Variants in AGBL1 observed in about 807,000 individuals in gnomAD.
AGBL1 encodes AGBL carboxypeptidase 1, also known as cytosolic carboxypeptidase 4.
AGBL1 carries 130 observed loss-of-function variants against 118.9 expected under a neutral mutation model. The observed-to-expected ratio is 1.09, with a 90% confidence interval of 0.95 to 1.26. The LOEUF is 1.26. AGBL1 is among the 50% of genes most tolerant of loss of function. AGBL1 has a pLI of 0.00. For synonymous variants in AGBL1, 555 were observed against 478.9 expected (o/e 1.16, Z -2.08); for missense variants, 1,584 against 1,298.1 (o/e 1.22, Z -3.38).
chr15:86,631,919 T>C (rs970708078), intron 21 of AGBL1, among the ~76,000 whole-genome samples: 1 of 152,212 alleles, frequency 6.6e-6, no homozygotes, highest in Non-Finnish European at 1.5e-5. Context: ...CCAGGTGCTG[T>C]GGCTCACACC....
Position 86,481,325 on chromosome 15 carries a change from A to T in AGBL1, c.2556-41485A>T, listed in dbSNP as rs184950044. On this transcript the variant is annotated intron_variant, in intron 18 of 22. Coordinates refer to ENST00000614907, the MANE Select transcript of AGBL1 (RefSeq NM_001386094.1). Reference sequence around the variant, plus strand: ...AAGGAAGTCAAAGTCTATTAAGTTCATGTCCCTTGTTCTGGATCACACAAA... The same window carrying T: ...AAGGAAGTCAAAGTCTATTAAGTTCTTGTCCCTTGTTCTGGATCACACAAA... Among the ~76,000 whole-genome samples the T allele has an allele frequency of 3.9e-5, 6 of 152,176 alleles. No individual in the cohort carries two copies. In the East Asian group the frequency reaches 1.2e-3, roughly 29 times the overall value.
chr15:86,300,916 C>T (rs552814924), intron 17 of AGBL1, among the ~76,000 whole-genome samples: 331 of 152,304 alleles, frequency 2.2e-3, no homozygotes, highest in Middle Eastern at 0.014. Flanking sequence ...TGAGCTACTG[C>T]GGCACCTGCC....
rs546391565 is a variant in AGBL1, at chr15:86,148,194, A to G, written c.262+4349A>G. On this transcript the variant is annotated intron_variant, in intron 3 of 22. Transcript: ENST00000614907. ...GGGAGAAACCAGAGCAGAAAAGCTG[A>G]AAATTCTAAAAATCAGAGCATCTCT... Among the ~76,000 whole-genome samples, 9 of 152,360 alleles carry G rather than the reference A, an allele frequency of 5.9e-5. No homozygotes were observed. The South Asian group carries it at 1.2e-3, about 21-fold the overall frequency.
intron 10 of AGBL1, 93 bp downstream of exon 10, chr15:86,262,987 C>T: frequency 3.6e-6 from 3 of 832,130 alleles, no homozygotes; most frequent in South Asian, 3.1e-5. Flanking sequence ...AGATGGAAAG[C>T]ATTGCTCATC....
chr15:86,957,082 C>G (rs1168199388), intron 23 of AGBL1, among the ~76,000 whole-genome samples: 1 of 152,032 alleles, frequency 6.6e-6, no homozygotes, highest in African/African-American at 2.4e-5. Context: ...GGCAATCAAT[C>G]TAGTAATTAG....
chr15:86,170,333 GAGA>G (rs888994760), intron 5 of AGBL1, among the ~76,000 whole-genome samples: 32 of 152,200 alleles, frequency 2.1e-4, no homozygotes, highest in African/African-American at 7.7e-4. Context: ...GAAGAGATTT[GAGA>G]AGAAGAGAGC....
chr15:86,869,317 A>G (rs573364426), intron 22 of AGBL1, among the ~76,000 whole-genome samples: 1 of 152,208 alleles, frequency 6.6e-6, no homozygotes, highest in African/African-American at 2.4e-5. Context: ...GCACAATGGC[A>G]CAGCTGCTCC....
At chr15:86,447,645 A>T (rs549258477) in intron 18 of AGBL1, among the ~76,000 whole-genome samples, 2 of 152,326 alleles carry the variant, frequency 1.3e-5, no homozygotes, top group Non-Finnish European at 2.9e-5. Context: ...TCTAAGTCTC[A>T]TCCCAAATAG....
At chr15:86,850,749 G>C (rs895597700) in intron 22 of AGBL1, among the ~76,000 whole-genome samples, 2 of 151,910 alleles carry the variant, frequency 1.3e-5, no homozygotes, top group Non-Finnish European at 2.9e-5. Flanking sequence ...TAGAAATGCT[G>C]AAAAAAATAC....
At chr15:86,094,507 C>T (rs1169848786) in intron 1 of AGBL1, among the ~76,000 whole-genome samples, 2 of 152,042 alleles carry the variant, frequency 1.3e-5, no homozygotes, top group African/African-American at 4.8e-5. Context: ...GGGGGAGTGC[C>T]TGGATCTACA....
At chr15:86,548,046 A>G (rs2083609987) in intron 20 of AGBL1, among the ~76,000 whole-genome samples, 1 of 152,176 alleles carries the variant, frequency 6.6e-6, no homozygotes, top group South Asian at 2.1e-4. Flanking sequence ...GATCTGCCTA[A>G]AAAGACTTTT....
chr15:86,729,611 T>C (rs942015171), intron 22 of AGBL1, among the ~76,000 whole-genome samples: 1 of 152,248 alleles, frequency 6.6e-6, no homozygotes, highest in African/African-American at 2.4e-5. Flanking sequence ...CATGACTTTG[T>C]TCTTTTTTAT....
intron 21 of AGBL1, among the ~76,000 whole-genome samples, chr15:86,669,848 G>C (rs1219417298): frequency 6.6e-6 from 1 of 152,144 alleles, no homozygotes; most frequent in African/African-American, 2.4e-5. Flanking sequence ...GTGTGGAGGG[G>C]AGTGGGGTCT....
chr15:86,303,117 G>A (rs972522916), intron 17 of AGBL1, among the ~76,000 whole-genome samples: 2 of 152,112 alleles, frequency 1.3e-5, no homozygotes, highest in Admixed American at 1.3e-4. Context: ...TTCAAATATT[G>A]GCTCTGCCAT....
At chr15:86,446,859 A>G in intron 18 of AGBL1, among the ~76,000 whole-genome samples, 1 of 152,306 alleles carries the variant, frequency 6.6e-6, no homozygotes, top group East Asian at 1.9e-4. Flanking sequence ...TGGTACTCAT[A>G]TTTCTTTCTA....
chr15:86,597,332 C>G (rs529798786), intron 21 of AGBL1, among the ~76,000 whole-genome samples: 142 of 152,258 alleles, frequency 9.3e-4, no homozygotes, highest in Middle Eastern at 3.4e-3. Context: ...CTTCTTACGC[C>G]AGCTTATAGG....
chr15:86,575,251 C>G (rs1248530691), intron 21 of AGBL1, among the ~76,000 whole-genome samples: 9 of 151,984 alleles, frequency 5.9e-5, no homozygotes, highest in Admixed American at 5.9e-4. Context: ...GTAATTTCAA[C>G]ACTTTGGGAG....
At chr15:86,814,369 C>T (rs559980417) in intron 22 of AGBL1, among the ~76,000 whole-genome samples, 1 of 152,316 alleles carries the variant, frequency 6.6e-6, no homozygotes, top group South Asian at 2.1e-4. Context: ...TGAAACCAGT[C>T]CCTGGTGCCA....
At chr15:86,562,711 A>G (rs2083844962) in intron 21 of AGBL1, among the ~76,000 whole-genome samples, 1 of 152,204 alleles carries the variant, frequency 6.6e-6, no homozygotes, top group South Asian at 2.1e-4. Flanking sequence ...TAGTTTCAGA[A>G]GGAATGGTAC....
Sources: allele counts gnomAD v4.1 joint callset (sites outside exome capture counted in the v4.1 genomes callset), GRCh38; gene constraint gnomAD v4.1.1; transcripts MANE v1.5; gene names NCBI Gene and HGNC (gene_info 2026-07-23, HGNC 2026-07-21).